SULF2: variants seen among roughly 807,000 people sequenced by gnomAD.
SULF2 encodes the protein sulfatase 2, also known as extracellular sulfatase Sulf-2.
A neutral mutation model predicts 107.7 loss-of-function variants in SULF2; 52 were observed. The observed-to-expected ratio is 0.48, with a 90% CI of 0.39 to 0.61. The LOEUF is 0.61. Ranked by LOEUF, SULF2 falls within the 20% of genes least tolerant of loss-of-function variation. SULF2 has a pLI of 0.00. For missense variants in SULF2, 993 were observed against 1,177.3 expected (o/e 0.84, Z 2.29); for synonymous variants, 460 against 464.3 (o/e 0.99, Z 0.12).
intron 1 of SULF2, among the ~76,000 whole-genome samples, chr20:47,776,396 C>T (rs977810753): frequency 5.3e-5 from 8 of 152,142 alleles, no homozygotes; most frequent in African/African-American, 9.7e-5. Flanking sequence ...CTTTGTAAAA[C>T]GGGGTTGGAA....
chr20:47,677,183 C>A (rs371755932), intron 8 of SULF2, 49 bp from the exon 9 acceptor site: 3 of 1,604,742 alleles, frequency 1.9e-6, no homozygotes, highest in African/African-American at 1.3e-5. Context: ...GGGCTTCCCA[C>A]GACCCCCCGT....
intron 1 of SULF2, among the ~76,000 whole-genome samples, chr20:47,782,433 T>C (rs1438439366): frequency 6.6e-6 from 1 of 152,028 alleles, no homozygotes; most frequent in Non-Finnish European, 1.5e-5. Context: ...CCAAGGCCCA[T>C]TCCAAGGAGG....
At chr20:47,731,846 A>T (rs2089621268) in intron 3 of SULF2, among the ~76,000 whole-genome samples, 1 of 152,128 alleles carries the variant, frequency 6.6e-6, no homozygotes, top group Non-Finnish European at 1.5e-5. Context: ...GTGCGATGGG[A>T]CCTCTTCATA....
At chr20:47,765,849 G>C (rs968486748) in intron 1 of SULF2, among the ~76,000 whole-genome samples, 5 of 152,232 alleles carry the variant, frequency 3.3e-5, no homozygotes, top group African/African-American at 1.2e-4. Flanking sequence ...AAAGCAACAA[G>C]TGATACAAGG....
chr20:47,735,322 C>T lies in SULF2; in HGVS notation c.415+1381G>A, dbSNP rs572911887. Reference sequence around the variant, plus strand: ...CACTCCTCAGACATATTTTCTTTGGCCCCCAGTATACATTAAAGAAAAAAT... The same window carrying T: ...CACTCCTCAGACATATTTTCTTTGGTCCCCAGTATACATTAAAGAAAAAAT... On this transcript the variant is annotated intron_variant, in intron 3 of 20. Coordinates refer to ENST00000688720, the MANE Select transcript of SULF2 (RefSeq NM_001387048.1). 7.3e-3 allele frequency among the ~76,000 whole-genome samples: 1,107 copies of T among 152,222 alleles called. 14 individuals carry two copies. Among genetic ancestry groups the T allele is most frequent in the African/African-American group, 0.024 (995 of 41,544 alleles).
chr20:47,756,384 A>G (rs7262219), intron 2 of SULF2, among the ~76,000 whole-genome samples: 1 of 152,060 alleles, frequency 6.6e-6, no homozygotes, highest in African/African-American at 2.4e-5. Context: ...GAGGAAAAAA[A>G]CTATACTTGT....
intron 3 of SULF2, among the ~76,000 whole-genome samples, chr20:47,731,210 T>TTTTTTTTTTTTTTTTTTTTTTTTTG (rs1491437167): frequency 1.5e-5 from 2 of 135,764 alleles, no homozygotes; most frequent in African/African-American, 6.2e-5. Context: ...TTTTTTTTTT[T>TTTTTTTTTTTTTTTTTTTTTTTTTG]GAGACAGAGT....
chr20:47,741,047 T>C (rs1264849143), intron 2 of SULF2, among the ~76,000 whole-genome samples: 1 of 151,958 alleles, frequency 6.6e-6, no homozygotes, highest in Admixed American at 6.6e-5. Context: ...CCTTGCCACC[T>C]CCCCCGTGGG....
At chr20:47,753,098 C>CAAAAAAAAAAA (rs10578438) in intron 2 of SULF2, among the ~76,000 whole-genome samples, 11 of 90,636 alleles carry the variant, frequency 1.2e-4, no homozygotes, top group Non-Finnish European at 1.5e-4. Context: ...GAGACTCTCT[C>CAAAAAAAAAAA]AAAAAAAAAA....
chr20:47,737,042 C>T, intron 2 of SULF2, 100 bp from the exon 3 acceptor site: 1 of 1,541,800 alleles, frequency 6.5e-7, no homozygotes, highest in Non-Finnish European at 8.8e-7. Context: ...CTGGAGTGGG[C>T]ACATTCTGCA....
At chr20:47,737,660 G>A (rs2089770259) in intron 2 of SULF2, among the ~76,000 whole-genome samples, 1 of 151,834 alleles carries the variant, frequency 6.6e-6, no homozygotes. Flanking sequence ...GGGCTTGAGA[G>A]CTCTGAGCAG....
At chr20:47,746,736 C>T (rs2090043641) in intron 2 of SULF2, among the ~76,000 whole-genome samples, 1 of 150,724 alleles carries the variant, frequency 6.6e-6, no homozygotes, top group Middle Eastern at 3.4e-3. Flanking sequence ...ATCACAAGGA[C>T]AAAAGACCAA....
chr20:47,741,571 T>C (rs879024975), intron 2 of SULF2, among the ~76,000 whole-genome samples: 2 of 152,250 alleles, frequency 1.3e-5, no homozygotes, highest in Non-Finnish European at 2.9e-5. Context: ...CTGTGACTTT[T>C]GATGGCTCCA....
chr20:47,741,361 G>T (rs985614073), intron 2 of SULF2, among the ~76,000 whole-genome samples: 1 of 151,692 alleles, frequency 6.6e-6, no homozygotes, highest in Non-Finnish European at 1.5e-5. Context: ...CTTCTGCCTG[G>T]AAGACCTCTC....
intron 2 of SULF2, among the ~76,000 whole-genome samples, chr20:47,742,073 C>T (rs990139828): frequency 6.6e-6 from 1 of 152,182 alleles, no homozygotes; most frequent in Non-Finnish European, 1.5e-5. Flanking sequence ...ACAACAGTGC[C>T]CCGGAATGAC....
At position 47,757,162 on chromosome 20, in the gene SULF2, G is replaced by GGGCCACCC. The variant is rs1568910156; in HGVS notation, c.175+26_175+27insGGGTGGCC. On this transcript the variant is annotated intron_variant, in intron 2 of 20. Coordinates refer to ENST00000688720, the MANE Select transcript of SULF2 (RefSeq NM_001387048.1). ...AGGGACCCTGCTCCGAGGGGCCGAG[G>GGGCCACCC]TGCCACCCTGGGGCCCCGAGGCTTA... is the stretch of plus-strand genomic sequence containing the variant. The GGGCCACCC allele has an allele frequency of 3.3e-6, 5 of 1,534,670 alleles. 1 individual carries two copies. The African/African-American group carries it at 6.9e-5, about 21-fold the overall frequency.
In SULF2 at chr20:47,785,435, GCGCCGCCGCTGCCGCTGCCGCCGCCGC is replaced by G. The variant is rs1249574787; in HGVS notation, c.-220_-194del. 204 of 151,628 alleles carry G rather than the reference GCGCCGCCGCTGCCGCTGCCGCCGCCGC, an allele frequency of 1.3e-3. 2 individuals are homozygous for G. The highest frequency in any genetic ancestry group is 4.5e-3 in the South Asian group (25 of 5,576). The allele number at this position is 151,628 out of a possible 1,614,324, so 9.4% of individuals were successfully genotyped here. A position where few individuals can be genotyped will look rare whatever the true frequency, so the allele number is the denominator to read the frequency against. On this transcript the variant is annotated 5_prime_UTR_variant, in exon 1 of 21. Transcript: ENST00000688720. ...CGGGCCGCTGGGCGCAGGGGACTCC[GCGCCGCCGCTGCCGCTGCCGCCGCCGC>G]CGCCGCCGCTGCCGCTGCTGCATCC...
At position 47,688,966 on chromosome 20, in the gene SULF2, T is replaced by A. The variant is rs959086465; in HGVS notation, c.737+1160A>T. 4.6e-5 allele frequency among the ~76,000 whole-genome samples: 7 copies of A among 151,984 alleles called. No individual in the cohort carries two copies. The South Asian group carries it at 1.4e-3, about 31-fold the overall frequency. On this transcript the variant is annotated intron_variant, in intron 5 of 20. Transcript: ENST00000688720. ...GTCACAGTAAGGGCTGCTGAGTCAC[T>A]GCTAAGCAGGGGGTGGTCTGAGGCA...
At chr20:47,730,880 GA>G (rs1288944858) in intron 3 of SULF2, among the ~76,000 whole-genome samples, 12 of 152,306 alleles carry the variant, frequency 7.9e-5, no homozygotes, top group Admixed American at 6.5e-4. Context: ...AAGTGCTGGG[GA>G]AAAAGGGACT....
Sources: allele counts gnomAD v4.1 joint callset (sites outside exome capture counted in the v4.1 genomes callset), GRCh38; gene constraint gnomAD v4.1.1; transcripts MANE v1.5; gene names NCBI Gene and HGNC (gene_info 2026-07-23, HGNC 2026-07-21).